The following DIAPH3 variants were observed in gnomAD, a reference collection of about 807,000 sequenced individuals.
The protein encoded by DIAPH3 is diaphanous related formin 3, also known as protein diaphanous homolog 3.
DIAPH3 carries 117 observed loss-of-function variants against 144.3 expected under a neutral mutation model. That is an observed-to-expected ratio of 0.81 (90% CI 0.70 to 0.95). The LOEUF (loss-of-function observed/expected upper bound fraction) is 0.95, where lower values mean the gene tolerates loss of function less well. Among genes scored for constraint, DIAPH3 ranks in the 40% least tolerant of loss-of-function variants. The probability of loss-of-function intolerance (pLI) is 0.00; values close to 1 mark genes in which losing one functional copy is unlikely to be tolerated. For missense variants in DIAPH3, 1,421 were observed against 1,412.7 expected, an observed-to-expected ratio of 1.01 and a Z score of -0.09; for synonymous variants, 519 against 488.9, an observed-to-expected ratio of 1.06 and a Z score of -0.81.
chr13:59,856,724 G>A (rs1203175931), intron 22 of DIAPH3, among the ~76,000 whole-genome samples: 1 of 152,060 alleles, frequency 6.6e-6, no homozygotes, highest in Admixed American at 6.6e-5. Flanking sequence ...TTTAACATAG[G>A]AATTTATGAG....
intron 4 of DIAPH3, among the ~76,000 whole-genome samples, chr13:60,074,070 T>C (rs1390891921): frequency 1.3e-5 from 2 of 152,194 alleles, no homozygotes; most frequent in Non-Finnish European, 2.9e-5. Flanking sequence ...GAGGCCACAG[T>C]AGGAGATGCT....
intron 14 of DIAPH3, among the ~76,000 whole-genome samples, chr13:59,976,117 T>G (rs1323700428): frequency 1.3e-5 from 2 of 151,928 alleles, no homozygotes; most frequent in Non-Finnish European, 2.9e-5. Flanking sequence ...TAATCCCTCT[T>G]TAGCTTAAAA....
intron 25 of DIAPH3, among the ~76,000 whole-genome samples, chr13:59,788,810 A>G (rs17057327): frequency 0.043 from 6,479 of 152,296 alleles, 231 homozygotes; most frequent in South Asian, 0.1. Context: ...ACTTATGGCT[A>G]TTAACTACAG....
rs1481773227 is a variant in DIAPH3 at position 60,112,114 on chromosome 13, C to A, written c.286G>T (p.Ala96Ser). 3 of 1,614,150 alleles carry A rather than the reference C, an allele frequency of 1.9e-6. No homozygotes were observed. Among genetic ancestry groups the A allele is most frequent in the African/African-American group, 1.3e-5 (1 of 75,048 alleles). Residue 96 changes from alanine (A) to serine (S), a missense_variant, in exon 3 of 28, where the codon GCA (alanine) becomes TCA (serine). Transcript: ENST00000400324. ...ERPPLPNLKT[A>S]FASSDCSAAP... is the part of the protein sequence containing the mutation. ...GCTGAGCAATCACTGCTTGCAAATG[C>A]AGTCTTCAGGTTGGGAAGTGGAGGT...
At chr13:60,002,822 G>A (rs1157898673) in intron 9 of DIAPH3, among the ~76,000 whole-genome samples, 3 of 152,116 alleles carry the variant, frequency 2.0e-5, no homozygotes, top group African/African-American at 7.2e-5. Flanking sequence ...TCAGTCGTAT[G>A]ACCAACAGCA....
intron 20 of DIAPH3, among the ~76,000 whole-genome samples, chr13:59,909,253 T>A (rs759743750): frequency 1.3e-5 from 2 of 152,134 alleles, no homozygotes; most frequent in Non-Finnish European, 2.9e-5. Context: ...CATCATTCTT[T>A]AGTAAGTTAG....
chr13:60,107,117 T>C (rs994705912), intron 3 of DIAPH3, among the ~76,000 whole-genome samples: 1 of 152,088 alleles, frequency 6.6e-6, no homozygotes, highest in Non-Finnish European at 1.5e-5. Context: ...GGTGGCTATA[T>C]TGTGGTCATA....
chr13:59,825,633 C>G (rs1031213072), intron 24 of DIAPH3, among the ~76,000 whole-genome samples: 1 of 152,158 alleles, frequency 6.6e-6, no homozygotes, highest in Admixed American at 6.5e-5. Context: ...AATGGTTGAA[C>G]TAGTTTACAG....
intron 27 of DIAPH3, among the ~76,000 whole-genome samples, chr13:59,698,759 A>C (rs1388731937): frequency 6.6e-6 from 1 of 152,226 alleles, no homozygotes; most frequent in Non-Finnish European, 1.5e-5. Context: ...TCCTATGAGT[A>C]ACACAAATAC....
At chr13:59,892,406 C>G (rs1369353462) in intron 20 of DIAPH3, among the ~76,000 whole-genome samples, 1 of 151,370 alleles carries the variant, frequency 6.6e-6, no homozygotes, top group Non-Finnish European at 1.5e-5. Context: ...TTAGAAGGGT[C>G]AAAGAAAAAA....
At chr13:59,803,142 T>C (rs1321488078) in intron 25 of DIAPH3, among the ~76,000 whole-genome samples, 1 of 152,180 alleles carries the variant, frequency 6.6e-6, no homozygotes, top group Non-Finnish European at 1.5e-5. Context: ...AGTTCTCAAT[T>C]ATAATACAAT....
intron 27 of DIAPH3, among the ~76,000 whole-genome samples, chr13:59,767,926 G>A (rs912805460): frequency 2.0e-5 from 3 of 152,124 alleles, no homozygotes; most frequent in Admixed American, 1.3e-4. Context: ...TAATGACTAT[G>A]CCAAAAGGTT....
At chr13:59,748,459 C>G (rs1255757002) in intron 27 of DIAPH3, among the ~76,000 whole-genome samples, 1 of 152,194 alleles carries the variant, frequency 6.6e-6, no homozygotes, top group African/African-American at 2.4e-5. Flanking sequence ...GTGCTCAGAA[C>G]CCTATGGGAG....
intron 4 of DIAPH3, among the ~76,000 whole-genome samples, chr13:60,079,109 A>G (rs1264276559): frequency 6.6e-6 from 1 of 152,090 alleles, no homozygotes; most frequent in East Asian, 1.9e-4. Flanking sequence ...GACAGAAAAA[A>G]GGGCAGAAAA....
intron 3 of DIAPH3, among the ~76,000 whole-genome samples, chr13:60,103,483 A>G (rs116417989): frequency 6.6e-6 from 1 of 152,176 alleles, no homozygotes; most frequent in East Asian, 1.9e-4. Flanking sequence ...TTCAACCAAA[A>G]AGGAAAAACA....
intron 27 of DIAPH3, among the ~76,000 whole-genome samples, chr13:59,748,169 T>C (rs2036797153): frequency 1.3e-5 from 2 of 152,190 alleles, no homozygotes; most frequent in African/African-American, 2.4e-5. Context: ...TTGAATATTA[T>C]GTACTTGTAG....
intron 4 of DIAPH3, among the ~76,000 whole-genome samples, chr13:60,083,104 C>G (rs1293028657): frequency 6.6e-6 from 1 of 151,970 alleles, no homozygotes; most frequent in African/African-American, 2.4e-5. Flanking sequence ...GCTAAATATT[C>G]TAGAGGAGGA....
At chr13:59,846,099 A>T (rs2042616454) in intron 22 of DIAPH3, among the ~76,000 whole-genome samples, 1 of 152,188 alleles carries the variant, frequency 6.6e-6, no homozygotes. Flanking sequence ...GAAGCTTTAG[A>T]GTAAAAGTTA....
chr13:59,904,248 C>T (rs952616040), intron 20 of DIAPH3, among the ~76,000 whole-genome samples: 1 of 151,958 alleles, frequency 6.6e-6, no homozygotes, highest in Non-Finnish European at 1.5e-5. Context: ...CATTTAAAGA[C>T]GTAATGCTGG....
Sources: allele counts gnomAD v4.1 joint callset (sites outside exome capture counted in the v4.1 genomes callset), GRCh38; gene constraint gnomAD v4.1.1; transcripts MANE v1.5; gene names NCBI Gene and HGNC (gene_info 2026-07-23, HGNC 2026-07-21).